The following ADCY6 variants were observed in gnomAD, a reference collection of about 807,000 sequenced individuals.
The protein encoded by ADCY6 is adenylate cyclase type 6.
Under a neutral mutation model 111.6 loss-of-function variants are expected in ADCY6, and 59 were observed. The ratio of observed to expected loss-of-function variants is 0.53; its 90% confidence interval spans 0.43 to 0.66. ADCY6 has a LOEUF of 0.66. Ranked by LOEUF, ADCY6 falls within the 30% of genes least tolerant of loss-of-function variation. ADCY6 has a pLI of 0.00. For missense variants in ADCY6, 1,242 were observed against 1,595.6 expected (o/e 0.78, Z 3.78); for synonymous variants, 576 against 642.9 (o/e 0.90, Z 1.57).
Position 48,770,856 on chromosome 12 carries a change from T to C in ADCY6, c.3166A>G (p.Ile1056Val). 1 of 1,614,244 alleles carries C rather than the reference T, an allele frequency of 6.2e-7. No individual in the cohort carries two copies. Among genetic ancestry groups the C allele is most frequent in the Non-Finnish European group, 8.5e-7 (1 of 1,180,046 alleles). ...ATGGCGTAGTCAGCCAGGGCAGTGA[T>C]GTGGGAGCGGCCCACCTGATCGTAG... ...STYDQVGRSH[I>V]TALADYAMRL... The change falls in exon 20 of 22, where the codon ATC (isoleucine) becomes GTC (valine). Residue 1056 changes from isoleucine to valine, a missense_variant. Physicochemically the swap from Ile to Val is conservative, Grantham distance 29. Around this residue, in one of 4 missense-constraint regions of ADCY6, gnomAD observed 245 missense variants for 371.3 expected, o/e 0.66. Coordinates refer to ENST00000357869, the MANE Select transcript of ADCY6 (RefSeq NM_015270.5).
chr12:48,774,124 G>T, intron 14 of ADCY6, 26 bp from the exon 15 acceptor site: 1 of 1,591,380 alleles, frequency 6.3e-7, no homozygotes, highest in Non-Finnish European at 8.6e-7. Flanking sequence ...GGTATATCAG[G>T]GTAACCAAGG....
At chr12:48,773,718 C>T (rs571484557) in intron 15 of ADCY6, 71 bp from the exon 16 acceptor site, 3 of 1,575,644 alleles carry the variant, frequency 1.9e-6, no homozygotes, top group African/African-American at 1.3e-5. Context: ...GAGAGCCCTG[C>T]ACTCTCCTGC....
intron 20 of ADCY6, 29 bp from the exon 21 acceptor site, chr12:48,769,090 G>GT: frequency 6.3e-7 from 1 of 1,591,496 alleles, no homozygotes; most frequent in Non-Finnish European, 8.6e-7. Context: ...CAAGAGACTA[G>GT]TGGATGCTCC....
chr12:48,774,291 G>T, intron 14 of ADCY6, 111 bp downstream of exon 14: 5 of 1,195,062 alleles, frequency 4.2e-6, no homozygotes, highest in Non-Finnish European at 6.1e-6. Flanking sequence ...CCTATTCTGG[G>T]AGGGGGCTCC....
intron 1 of ADCY6, among the ~76,000 whole-genome samples, chr12:48,786,144 G>A (rs1592167030): frequency 1.3e-5 from 2 of 152,224 alleles, no homozygotes; most frequent in African/African-American, 4.8e-5. Context: ...CTCACTCGGG[G>A]ACAGGATGGA....
In ADCY6 at chr12:48,772,438, G is replaced by T; in HGVS notation, c.2658-14C>A. 6.2e-7 allele frequency: 1 copy of T among 1,614,180 alleles called. No individual in the cohort carries two copies. On this transcript the variant is annotated splice_polypyrimidine_tract_variant and intron_variant, in intron 17 of 21. Coordinates refer to ENST00000357869, the MANE Select transcript of ADCY6 (RefSeq NM_015270.5). ...CCTGCAGCTGGACTAAGGATAAGCA[G>T]AGACATGCTTGGTGTCTGAAGGAGG... is the stretch of plus-strand genomic sequence containing the variant.
In ADCY6 at chr12:48,775,006, G is replaced by T. The variant is rs77913913; in HGVS notation, c.2029C>A (p.Leu677Met). Reference sequence around the variant, plus strand: ...AAGCAGATGAAGCAGAAGACCAACAGGGCACAGGCAACGTAGGCTCCGAAG... The same window carrying T: ...AAGCAGATGAAGCAGAAGACCAACATGGCACAGGCAACGTAGGCTCCGAAG... ...PRFGAYVACA[L>M]LVFCFICFIQ... The change falls in exon 12 of 22, where the codon CTG (leucine) becomes ATG (methionine). Residue 677 changes from leucine (L) to methionine (M), a missense_variant. Physicochemically the swap from Leu to Met is conservative, Grantham distance 15. This residue lies in a region of ADCY6 where 375 missense variants were observed against 432.5 expected (regional missense o/e 0.87). Transcript: ENST00000357869. 2.3e-3 allele frequency: 3,629 copies of T among 1,558,788 alleles called. 75 individuals carry two copies. In the African/African-American group the frequency reaches 0.043, roughly 18 times the overall value.
Position 48,772,546 on chromosome 12 carries a change from G to A in ADCY6, c.2622-3C>T. On this transcript the variant is annotated splice_polypyrimidine_tract_variant and splice_region_variant and intron_variant, in intron 16 of 21. Coordinates refer to ENST00000357869, the MANE Select transcript of ADCY6 (RefSeq NM_015270.5). ...CAAAGGTCTCATTGGAAGAAGCCCT[G>A]GTAAGAAGATAGAAGAGACAAAGTC... is the stretch of plus-strand genomic sequence containing the variant. 6.2e-7 allele frequency: 1 copy of A among 1,614,168 alleles called. No individual in the cohort carries two copies. The highest frequency in any genetic ancestry group is 8.5e-7 in the Non-Finnish European group (1 of 1,180,032).
chr12:48,785,737 C>T (rs917878190), intron 1 of ADCY6, among the ~76,000 whole-genome samples: 1 of 152,216 alleles, frequency 6.6e-6, no homozygotes, highest in Admixed American at 6.5e-5. Flanking sequence ...TTTTCACATC[C>T]CTAATTCCAT....
Position 48,777,403 on chromosome 12 carries a change from C to T in ADCY6, c.1248+7G>A, listed in dbSNP as rs756851894. ...CCAGGCCCAATCCCAAGGCCCAGCA[C>T]CCTCACCGCAGCCAGCTTGTCAAAC... is the stretch of plus-strand genomic sequence containing the variant. On this transcript the variant is annotated splice_region_variant and intron_variant, in intron 5 of 21. Transcript: ENST00000357869. The surrounding 1 kb of genome is among the most constrained non-coding windows in gnomAD (Gnocchi z 4.9). 6 of 1,614,008 alleles carry T rather than the reference C, an allele frequency of 3.7e-6. No individual in the cohort carries two copies. In the East Asian group the frequency reaches 1.1e-4, roughly 30 times the overall value.
At chr12:48,785,847 T>C (rs1307839209) in intron 1 of ADCY6, among the ~76,000 whole-genome samples, 2 of 152,166 alleles carry the variant, frequency 1.3e-5, no homozygotes, top group Non-Finnish European at 2.9e-5. Flanking sequence ...CTGAGGTCCA[T>C]GGCAGTTTTA....
chr12:48,776,627 C>G lies in ADCY6; in HGVS notation c.1377-41G>C. 6.4e-7 allele frequency: 1 copy of G among 1,573,912 alleles called. No homozygotes were observed. The highest frequency in any genetic ancestry group is 1.2e-5 in the South Asian group (1 of 85,768). On this transcript the variant is annotated intron_variant, in intron 6 of 21. Coordinates refer to ENST00000357869, the MANE Select transcript of ADCY6 (RefSeq NM_015270.5). The surrounding 1 kb of genome is among the most constrained non-coding windows in gnomAD (Gnocchi z 6.1). ...CCCAGATCAGCTCCTGGCAGTCTTC[C>G]CCTCCCCCAGCCCACAACCCAGGCC...
upstream of ADCY6, chr12:48,789,231 G>A (rs948612999): frequency 1.3e-5 from 2 of 152,164 alleles, no homozygotes; most frequent in African/African-American, 2.4e-5. Flanking sequence ...CAGCGGGGTA[G>A]GGGCGGAGGA....
In ADCY6 at chr12:48,782,795, C is replaced by G; in HGVS notation, c.640G>C (p.Val214Leu). The G allele has an allele frequency of 6.2e-7, 1 of 1,613,874 alleles. No individual in the cohort carries two copies. Among genetic ancestry groups the G allele is most frequent in the Non-Finnish European group, 8.5e-7 (1 of 1,179,884 alleles). The change falls in exon 2 of 22, where the codon GTG becomes CTG. Residue 214 changes from valine to leucine, a missense_variant. By Grantham distance (32) the Val-to-Leu change is conservative (BLOSUM62 1). Around this residue, in one of 4 missense-constraint regions of ADCY6, gnomAD observed 362 missense variants for 377.2 expected, o/e 0.96. Coordinates refer to ENST00000357869, the MANE Select transcript of ADCY6 (RefSeq NM_015270.5). The surrounding 1 kb of genome is among the most constrained non-coding windows in gnomAD (Gnocchi z 4.3). ...RQDSMWVVSYVVLGILAAVQV... is the reference protein window; with the variant it reads ...RQDSMWVVSYLVLGILAAVQV... ...ACTGCCGCCAGGATGCCCAGCACCA[C>G]GTAGCTCACCACCCACATGGAGTCC...
intron 1 of ADCY6, among the ~76,000 whole-genome samples, chr12:48,785,770 G>A (rs545245816): frequency 1.3e-5 from 2 of 152,304 alleles, no homozygotes; most frequent in Non-Finnish European, 2.9e-5. Flanking sequence ...AAAACCCTGA[G>A]AAACTGGTCC....
intron 2 of ADCY6, among the ~76,000 whole-genome samples, chr12:48,780,908 T>C (rs1171750117): frequency 6.6e-6 from 1 of 152,198 alleles, no homozygotes; most frequent in African/African-American, 2.4e-5. Flanking sequence ...GTTCTGGCAT[T>C]CTGGCATTCT....
rs765650639 is a variant in ADCY6, at chr12:48,772,397, T to C, written c.2685A>G (p.Lys895=). The C allele has an allele frequency of 3.1e-6, 5 of 1,614,166 alleles. No individual in the cohort carries two copies. The East Asian group carries it at 1.1e-4, about 36-fold the overall frequency. Residue 895 remains lysine, a synonymous_variant, in exon 18 of 22, where the codon AAA becomes AAG. Transcript: ENST00000357869. ...CCAGCAGAATCACAGGGGTCATATA[T>C]TTGAGGGCCACCCTCCCTGCAGCTG... ...DCPAAGRVAL[K]YMTPVILLVF...
At position 48,783,132 on chromosome 12, in the gene ADCY6, G is replaced by C. The variant is rs776043330; in HGVS notation, c.303C>G (p.Gly101=). The stretch of plus-strand genomic sequence containing the variant: ...CGTCGGGCGCCACCTCAGCCGTCCC[G>C]CCCGCTGTCGTTGTCACCTCGGTAT... ...FEDTEVTTTA[G]GTAEVAPDAV... The change falls in exon 2 of 22, where the codon GGC becomes GGG. Residue 101 remains glycine, a synonymous_variant. Coordinates refer to ENST00000357869, the MANE Select transcript of ADCY6 (RefSeq NM_015270.5). 1.2e-6 allele frequency: 2 copies of C among 1,608,270 alleles called. No individual in the cohort carries two copies. The highest frequency in any genetic ancestry group is 2.2e-5 in the East Asian group (1 of 44,848).
In ADCY6 at chr12:48,771,362, TC is replaced by T. The variant is rs777879450; in HGVS notation, c.3051+347del. 8.2e-6 allele frequency: 4 copies of T among 490,372 alleles called. No homozygotes were observed. The highest frequency in any genetic ancestry group is 7.5e-6 in the Non-Finnish European group (2 of 267,708). The allele number at this position is 490,372 out of a possible 1,614,324, so 30.4% of individuals were successfully genotyped here. On this transcript the variant is annotated intron_variant, in intron 19 of 21. Coordinates refer to ENST00000357869, the MANE Select transcript of ADCY6 (RefSeq NM_015270.5). This position sits in a 1 kb window ranked among gnomAD's most constrained non-coding sequence, Gnocchi z 4.3. ...ACTACCTCACATTTTGCTTCAATTT[TC>T]TCTATTCAGAGGACCATCTTGCTTG...
Sources: gnomAD v4.1 joint callset for allele counts (sites outside exome capture counted in the v4.1 genomes callset) on GRCh38, gnomAD v4.1.1 for gene constraint, gnomAD v4.1.1 regional missense constraint, Gnocchi (gnomAD v3.1) non-coding constraint, MANE v1.5 for transcripts, NCBI Gene and HGNC (gene_info 2026-07-23, HGNC 2026-07-21) for gene names.